GRIK2: variants seen among roughly 807,000 people sequenced by gnomAD.
GRIK2 encodes glutamate ionotropic receptor kainate type subunit 2.
A neutral mutation model predicts 100.3 loss-of-function variants in GRIK2; 32 were observed. The ratio of observed to expected loss-of-function variants is 0.32; its 90% CI spans 0.24 to 0.43. The LOEUF (loss-of-function observed/expected upper bound fraction) is 0.43, where lower values mean the gene tolerates loss of function less well. GRIK2 is among the 20% of genes least tolerant of loss of function. The pLI is 1.00. For missense variants in GRIK2, 843 were observed against 1,114.9 expected (o/e 0.76, Z 3.47); for synonymous variants, 417 against 389.4 (o/e 1.07, Z -0.83).
chr6:101,692,039 CAAAA>C (rs60210939), intron 7 of GRIK2, among the ~76,000 whole-genome samples: 2 of 78,390 alleles, frequency 2.6e-5, no homozygotes, highest in African/African-American at 9.7e-5. Flanking sequence ...CACCCCGTCT[CAAAA>C]AAAAAAAAAA....
At chr6:101,572,157 T>G (rs1315927171) in intron 2 of GRIK2, among the ~76,000 whole-genome samples, 1 of 152,156 alleles carries the variant, frequency 6.6e-6, no homozygotes, top group Non-Finnish European at 1.5e-5. Context: ...TTTATTTTAA[T>G]AAAAAATTCT....
At chr6:102,066,605 C>T (rs1328189901) in intron 16 of GRIK2, among the ~76,000 whole-genome samples, 2 of 150,602 alleles carry the variant, frequency 1.3e-5, no homozygotes, top group Non-Finnish European at 3.0e-5. Context: ...CAGCAGGGTA[C>T]CAGAACAAGG....
intron 12 of GRIK2, among the ~76,000 whole-genome samples, chr6:101,922,257 A>G (rs1306437652): frequency 1.3e-5 from 2 of 152,058 alleles, no homozygotes; most frequent in Non-Finnish European, 2.9e-5. Context: ...ATATCTCCCC[A>G]ACCCTACAAC....
At chr6:102,044,906 G>A (rs1251478584) in intron 15 of GRIK2, among the ~76,000 whole-genome samples, 1 of 151,924 alleles carries the variant, frequency 6.6e-6, no homozygotes, top group Admixed American at 6.6e-5. Context: ...GGCTGCCACA[G>A]AAATATATAT....
At chr6:101,732,653 T>C (rs1405912935) in intron 7 of GRIK2, among the ~76,000 whole-genome samples, 1 of 152,180 alleles carries the variant, frequency 6.6e-6, no homozygotes, top group East Asian at 1.9e-4. Context: ...TTTGTTTATT[T>C]TTGCATTTTG....
At chr6:101,812,784 T>C (rs1456613031) in intron 9 of GRIK2, among the ~76,000 whole-genome samples, 1 of 151,988 alleles carries the variant, frequency 6.6e-6, no homozygotes, top group African/African-American at 2.4e-5. Flanking sequence ...GAGGAATTGT[T>C]TTACCTATAT....
At chr6:101,721,303 CCAA>C (rs1180516480) in intron 7 of GRIK2, among the ~76,000 whole-genome samples, 1 of 151,886 alleles carries the variant, frequency 6.6e-6, no homozygotes, top group Admixed American at 6.6e-5. Flanking sequence ...GCCTGCAATC[CCAA>C]CATTTTGGGA....
intron 2 of GRIK2, among the ~76,000 whole-genome samples, chr6:101,513,636 A>T (rs1475722430): frequency 1.3e-5 from 2 of 152,170 alleles, no homozygotes; most frequent in Non-Finnish European, 2.9e-5. Context: ...AAATAATGAT[A>T]TATAGGGTTA....
At chr6:101,659,264 T>C (rs1166862046) in intron 4 of GRIK2, among the ~76,000 whole-genome samples, 2 of 152,218 alleles carry the variant, frequency 1.3e-5, no homozygotes, top group African/African-American at 4.8e-5. Context: ...ATTTATTAAA[T>C]AGGGAATCCT....
At chr6:101,617,578 A>C (rs1779951429) in intron 2 of GRIK2, among the ~76,000 whole-genome samples, 1 of 151,776 alleles carries the variant, frequency 6.6e-6, no homozygotes. Flanking sequence ...AGATTCAGAC[A>C]CTCAATTTTC....
At chr6:102,040,914 T>G (rs1421392436) in intron 15 of GRIK2, among the ~76,000 whole-genome samples, 7 of 151,590 alleles carry the variant, frequency 4.6e-5, no homozygotes, top group African/African-American at 1.5e-4. Flanking sequence ...TAAAATGCAT[T>G]CTATTTTCCC....
At chr6:101,804,795 T>C (rs1034995510) in intron 9 of GRIK2, among the ~76,000 whole-genome samples, 1 of 151,896 alleles carries the variant, frequency 6.6e-6, no homozygotes, top group African/African-American at 2.4e-5. Flanking sequence ...CCTTGAAAAT[T>C]TGTACATGAA....
chr6:101,747,460 T>A (rs752201389), intron 7 of GRIK2, among the ~76,000 whole-genome samples: 18 of 152,214 alleles, frequency 1.2e-4, no homozygotes, highest in Admixed American at 5.9e-4. Context: ...TCATTCTCCT[T>A]GGTGAATGAC....
intron 16 of GRIK2, among the ~76,000 whole-genome samples, chr6:102,062,903 G>A (rs1201370042): frequency 1.3e-5 from 2 of 150,274 alleles, no homozygotes; most frequent in South Asian, 4.2e-4. Context: ...TTCCATTTTA[G>A]TTATTATTAT....
At chr6:101,647,091 G>T (rs1014688892) in intron 4 of GRIK2, among the ~76,000 whole-genome samples, 2 of 151,922 alleles carry the variant, frequency 1.3e-5, no homozygotes. Context: ...AAGATGTTAT[G>T]AAACTTTTCT....
chr6:101,740,278 T>C (rs910831680), intron 7 of GRIK2, among the ~76,000 whole-genome samples: 1 of 152,206 alleles, frequency 6.6e-6, no homozygotes, highest in African/African-American at 2.4e-5. Flanking sequence ...AGTGGTTCTT[T>C]GGCTATAAAA....
chr6:102,048,420 C>A (rs1771010514), intron 15 of GRIK2, among the ~76,000 whole-genome samples: 1 of 151,952 alleles, frequency 6.6e-6, no homozygotes, highest in African/African-American at 2.4e-5. Context: ...TGCGAAGGGA[C>A]AACCTAGAGA....
rs1460966989 is a variant in GRIK2, at chr6:101,913,677, T to C, written c.1749-10924T>C. 5.3e-5 allele frequency among the ~76,000 whole-genome samples: 8 copies of C among 151,614 alleles called. No individual in the cohort carries two copies. The East Asian group carries it at 1.4e-3, about 26-fold the overall frequency. On this transcript the variant is annotated intron_variant, in intron 12 of 16. Coordinates refer to ENST00000369134, the MANE Select transcript of GRIK2 (RefSeq NM_021956.5). Reference sequence around the variant, plus strand: ...AGTGTATCATCCAATAAGTGAATTATGCTTTAAAATATAAGTAGAATATTA... The same window carrying C: ...AGTGTATCATCCAATAAGTGAATTACGCTTTAAAATATAAGTAGAATATTA...
At chr6:101,971,275 A>G (rs9485576) in intron 14 of GRIK2, among the ~76,000 whole-genome samples, 2,469 of 152,138 alleles carry the variant, frequency 0.016, 70 homozygotes, top group African/African-American at 0.057. Flanking sequence ...TAATTATAAC[A>G]AAAATGTATT....
Sources: gnomAD v4.1 joint callset for allele counts (sites outside exome capture counted in the v4.1 genomes callset) on GRCh38, gnomAD v4.1.1 for gene constraint, MANE v1.5 for transcripts, NCBI Gene and HGNC (gene_info 2026-07-23, HGNC 2026-07-21) for gene names.